CROCC: variants seen among roughly 807,000 people sequenced by gnomAD.
CROCC encodes rootletin.
Under a neutral mutation model 245.2 loss-of-function variants are expected in CROCC, and 180 were observed. The observed-to-expected ratio is 0.73, with a 90% CI of 0.65 to 0.83. The LOEUF (loss-of-function observed/expected upper bound fraction) is 0.83. CROCC is among the 40% of genes least tolerant of loss of function. The pLI is 0.00. For missense variants in CROCC, 2,688 were observed against 2,779.4 expected (o/e 0.97, Z 0.74); for synonymous variants, 1,205 against 1,241.6 (o/e 0.97, Z 0.62).
At position 16,946,886 on chromosome 1, in the gene CROCC, C is replaced by T. The variant is rs1168061343; in HGVS notation, c.2409C>T (p.Gly803=). The change falls in exon 17 of 37, where the codon GGC becomes GGT. Residue 803 remains glycine, a synonymous_variant. Transcript: ENST00000375541. The stretch of plus-strand genomic sequence containing the variant: ...TGGAGCAGGAGGTGGCGCGGCAGGG[C>T]CTGGAGGGCTCCCTACGAGTGGCGG... ...LRLEQEVARQ[G]LEGSLRVAEQ... 2 of 1,563,040 alleles carry T rather than the reference C, an allele frequency of 1.3e-6. No homozygotes were observed. Among genetic ancestry groups the T allele is most frequent in the East Asian group, 4.8e-5 (2 of 42,058 alleles).
At position 16,946,808 on chromosome 1, in the gene CROCC, G is replaced by A. The variant is rs2076057639; in HGVS notation, c.2331G>A (p.Glu777=). The A allele has an allele frequency of 1.3e-6, 2 of 1,552,556 alleles. No individual in the cohort carries two copies. The highest frequency in any genetic ancestry group is 2.4e-5 in the East Asian group (1 of 41,076). The stretch of plus-strand genomic sequence containing the variant: ...TGCAGGGCCGGCAACGGCAGGCAGA[G>A]CAGGAGGCCACAGTGGCGCGGGAAG... ...SALQGRQRQA[E]QEATVAREEQ... is the part of the protein sequence containing the mutation. Residue 777 remains glutamate (E), a synonymous_variant, in exon 17 of 37, where the codon GAG becomes GAA. Transcript: ENST00000375541.
At position 16,939,131 on chromosome 1, in the gene CROCC, C is replaced by T. The variant is rs1361063805; in HGVS notation, c.1597C>T (p.Leu533=). The change falls in exon 12 of 37, where the codon CTG becomes TTG. Residue 533 remains leucine (L), a synonymous_variant. Transcript: ENST00000375541. ...CCACTCCGCCCTGCACAAGCGCCAGCTGCAGGTCCAGGTAGGAAGGGGCTT... is the reference window on the plus strand; with the variant it reads ...CCACTCCGCCCTGCACAAGCGCCAGTTGCAGGTCCAGGTAGGAAGGGGCTT... ...LIHSALHKRQ[L]QVQDMRGRYE... is the part of the protein sequence containing the mutation. 4 of 1,520,948 alleles carry T rather than the reference C, an allele frequency of 2.6e-6. No homozygotes were observed. The East Asian group carries it at 9.7e-5, about 37-fold the overall frequency. 94.2% of individuals were successfully genotyped at this position (1,520,948 alleles called of 1,614,324 possible).
Position 16,948,379 on chromosome 1 carries a change from C to T in CROCC, c.2563C>T (p.Arg855Trp), listed in dbSNP as rs200026680. 237 of 1,578,116 alleles carry T rather than the reference C, an allele frequency of 1.5e-4. No individual in the cohort carries two copies. The African/African-American group carries it at 2.2e-3, about 14-fold the overall frequency. ...GGAGCAGGAGCTGGAGCAGGCCCGG[C>T]GGGAGGCCCAGCGGCAAGTGGAGGC... ...GREQELEQAR[R>W]EAQRQVEALE... The change falls in exon 18 of 37, where the codon CGG becomes TGG. Residue 855 changes from arginine (R) to tryptophan (W), a missense_variant. Arg to Trp is a moderately radical substitution (Grantham distance 101). This residue lies in a region of CROCC where 295 missense variants were observed against 241.7 expected (regional missense o/e 1.22). Coordinates refer to ENST00000375541, the MANE Select transcript of CROCC (RefSeq NM_014675.5).
chr1:16,916,581 A>G (rs77567102), intron 1 of CROCC, among the ~76,000 whole-genome samples: 9,382 of 149,964 alleles, frequency 0.063, no homozygotes, highest in African/African-American at 0.067. Context: ...ACCACGGCTC[A>G]TTGCAGCCTC....
chr1:16,919,960 C>T (rs1345131283), upstream of CROCC, among the ~76,000 whole-genome samples: 8 of 152,376 alleles, frequency 5.3e-5, no homozygotes, highest in African/African-American at 1.7e-4. Flanking sequence ...GGCACAATCT[C>T]GGCTCACTGC....
At chr1:16,940,370 C>T (rs1245402070) in intron 13 of CROCC, among the ~76,000 whole-genome samples, 2 of 152,246 alleles carry the variant, frequency 1.3e-5, no homozygotes, top group South Asian at 2.1e-4. Flanking sequence ...ACTACAGGCC[C>T]CTGCCACCAT....
chr1:16,936,794 C>T lies in CROCC; in HGVS notation c.1114C>T (p.Arg372Trp), dbSNP rs762477788. Residue 372 changes from arginine (R) to tryptophan (W), a missense_variant, in exon 9 of 37, where the codon CGG becomes TGG. By Grantham distance (101) the Arg-to-Trp change is moderately radical. This residue lies in a region of CROCC where 972 missense variants were observed against 895.3 expected (regional missense o/e 1.09). Coordinates refer to ENST00000375541, the MANE Select transcript of CROCC (RefSeq NM_014675.5). ...LLQAQLEEQL[R>W]DKVLREKDLA... ...GCAGGCCCAGCTGGAGGAGCAGCTGCGGGACAAGGTGCTCCGCGAGAAGGA... is the reference window on the plus strand; with the variant it reads ...GCAGGCCCAGCTGGAGGAGCAGCTGTGGGACAAGGTGCTCCGCGAGAAGGA... 3.7e-5 allele frequency: 60 copies of T among 1,611,870 alleles called. No individual in the cohort carries two copies. The highest frequency in any genetic ancestry group is 1.6e-4 in the East Asian group (7 of 44,844).
At chr1:16,949,634 C>G (rs867846984) in intron 19 of CROCC, among the ~76,000 whole-genome samples, 1 of 152,212 alleles carries the variant, frequency 6.6e-6, no homozygotes, top group Non-Finnish European at 1.5e-5. Flanking sequence ...ATCTCTGAGC[C>G]TCCATTTCAT....
At position 16,954,340 on chromosome 1, in the gene CROCC, C is replaced by T. The variant is rs774573233; in HGVS notation, c.3304C>T (p.Arg1102Trp). The T allele has an allele frequency of 5.0e-6, 8 of 1,611,526 alleles. No homozygotes were observed. The highest frequency in any genetic ancestry group is 2.2e-5 in the East Asian group (1 of 44,888). The change falls in exon 22 of 37, where the codon CGG (arginine) becomes TGG (tryptophan). Residue 1102 changes from arginine (R) to tryptophan (W), a missense_variant. By Grantham distance (101) the Arg-to-Trp change is moderately radical (BLOSUM62 -3). Transcript: ENST00000375541. The surrounding 1 kb of genome is among the most constrained non-coding windows in gnomAD (Gnocchi z 4.4). ...GCGGCAGAAACGAGATGCCCAGAGC[C>T]GGCAGGAGCAGGACCGGGTAGGGCA... ...MERQKRDAQS[R>W]QEQDRSTVNA...
rs199865911 is a variant in CROCC at position 16,969,906 on chromosome 1, C to G, written c.5423C>G (p.Ala1808Gly). 1 of 1,605,746 alleles carries G rather than the reference C, an allele frequency of 6.2e-7. No individual in the cohort carries two copies. The change falls in exon 33 of 37, where the codon GCC becomes GGC. Residue 1808 changes from alanine (A) to glycine (G), a missense_variant. Coordinates refer to ENST00000375541, the MANE Select transcript of CROCC (RefSeq NM_014675.5). ...GACCTGGAACTGCAGCGGGTGGAGG[C>G]CGAGGGCCAGCTACAACAGCTACGG... ...VADLELQRVE[A>G]EGQLQQLREV...
Position 16,938,900 on chromosome 1 carries a change from C to T in CROCC, c.1375-9C>T, listed in dbSNP as rs573965720. Reference sequence around the variant, plus strand: ...GCAGCCTCCTTCTGCCTCCCTCCCCCACCCTCAGGCCGTCTTGTCAGACTC... The same window carrying T: ...GCAGCCTCCTTCTGCCTCCCTCCCCTACCCTCAGGCCGTCTTGTCAGACTC... On this transcript the variant is annotated splice_polypyrimidine_tract_variant and intron_variant, in intron 11 of 36. Transcript: ENST00000375541. 24 of 1,604,346 alleles carry T rather than the reference C, an allele frequency of 1.5e-5. No homozygotes were observed. Among genetic ancestry groups the T allele is most frequent in the East Asian group, 6.7e-5 (3 of 44,492 alleles).
chr1:16,962,374 A>G (rs1284002440), intron 27 of CROCC, among the ~76,000 whole-genome samples: 1 of 151,292 alleles, frequency 6.6e-6, no homozygotes, highest in Middle Eastern at 3.4e-3. Flanking sequence ...TCTACTAAAA[A>G]TACAAAAAAA....
intron 19 of CROCC, among the ~76,000 whole-genome samples, chr1:16,950,609 C>T (rs1312901262): frequency 6.6e-6 from 1 of 152,246 alleles, no homozygotes; most frequent in Non-Finnish European, 1.5e-5. Context: ...CCACCTGCCC[C>T]AGCTTCCCAA....
chr1:16,940,207 T>C (rs2075898024), intron 13 of CROCC, 114 bp downstream of exon 13: 1 of 1,139,308 alleles, frequency 8.8e-7, no homozygotes, highest in Non-Finnish European at 1.2e-6. Flanking sequence ...ACTAGCTGCA[T>C]GTGCCTATTA....
chr1:16,951,424 C>T (rs572902226), intron 20 of CROCC: 31 of 213,242 alleles, frequency 1.5e-4, no homozygotes, highest in Non-Finnish European at 2.0e-4. Flanking sequence ...GTACTGTTTG[C>T]ATATGAAGAG....
rs775715663 is a variant in CROCC, at chr1:16,969,804, G to A, written c.5321G>A (p.Arg1774Gln). ...CCCCAGGAACGGCTGGATGCCGCCC[G>A]GCAGGCATTATCTGAGGCACGGAAG... ...QVLQERLDAA[R>Q]QALSEARKQS... Residue 1774 changes from arginine to glutamine, a missense_variant, in exon 33 of 37, where the codon CGG (arginine) becomes CAG (glutamine). Physicochemically the swap from Arg to Gln is conservative, Grantham distance 43. Transcript: ENST00000375541. The A allele has an allele frequency of 2.7e-5, 43 of 1,612,820 alleles. 1 individual carries two copies. Among genetic ancestry groups the A allele is most frequent in the South Asian group, 4.4e-5 (4 of 91,002 alleles).
chr1:16,963,257 G>C (rs1251697823), intron 27 of CROCC, among the ~76,000 whole-genome samples: 1 of 151,852 alleles, frequency 6.6e-6, no homozygotes, highest in East Asian at 1.9e-4. Context: ...GGCAGCAGGT[G>C]CCTCACTGAG....
chr1:16,928,135 G>A (rs114388998), intron 3 of CROCC, among the ~76,000 whole-genome samples: 2,777 of 152,076 alleles, frequency 0.018, 52 homozygotes, highest in African/African-American at 0.065. Context: ...GGCCCTGCAC[G>A]GGTGGGCTTT....
In CROCC at chr1:16,954,237, G is replaced by A. The variant is rs773091675; in HGVS notation, c.3201G>A (p.Lys1067=). The change falls in exon 22 of 37, where the codon AAG becomes AAA. Residue 1067 remains lysine, a synonymous_variant. Coordinates refer to ENST00000375541, the MANE Select transcript of CROCC (RefSeq NM_014675.5). This position sits in a 1 kb window ranked among gnomAD's most constrained non-coding sequence, Gnocchi z 4.4. The part of the protein sequence containing the change: ...ESEKQQALSL[K]ESEKTALSEK... Reference sequence around the variant, plus strand: ...CCTCTGCCCAGGCCTTGTCTCTGAAGGAGTCTGAGAAGACGGCGCTGTCAG... The same window carrying A: ...CCTCTGCCCAGGCCTTGTCTCTGAAAGAGTCTGAGAAGACGGCGCTGTCAG... 6.2e-7 allele frequency: 1 copy of A among 1,611,144 alleles called. No individual in the cohort carries two copies. Among genetic ancestry groups the A allele is most frequent in the African/African-American group, 1.3e-5 (1 of 74,866 alleles).
Sources: allele counts gnomAD v4.1 joint callset (sites outside exome capture counted in the v4.1 genomes callset), GRCh38; gene constraint gnomAD v4.1.1; regional missense constraint gnomAD v4.1.1; non-coding constraint Gnocchi (gnomAD v3.1); transcripts MANE v1.5; gene names NCBI Gene and HGNC (gene_info 2026-07-23, HGNC 2026-07-21).